Variants in ERO1A observed in about 807,000 individuals in gnomAD.
ERO1A encodes endoplasmic reticulum oxidoreductase 1 alpha.
In ERO1A, 49 loss-of-function variants were observed where a neutral mutation model predicts 76.9. The ratio of observed to expected loss-of-function variants is 0.64; its 90% CI spans 0.51 to 0.81. The LOEUF (loss-of-function observed/expected upper bound fraction) is 0.81, where lower values mean the gene tolerates loss of function less well. ERO1A is among the 30% of genes least tolerant of loss of function. The pLI, the probability that ERO1A is intolerant of heterozygous loss-of-function variation, is 0.00. For missense variants in ERO1A, 448 were observed against 542.1 expected (o/e 0.83, Z 1.72); for synonymous variants, 174 against 181.2 (o/e 0.96, Z 0.32).
chr14:52,666,208 A>G (rs982622475), intron 7 of ERO1A, among the ~76,000 whole-genome samples, 167 bp downstream of exon 7: 8 of 152,216 alleles, frequency 5.3e-5, no homozygotes, highest in Non-Finnish European at 1.0e-4. Flanking sequence ...TCACGTCTAT[A>G]TATTTCCCCA....
rs2040311517 is a variant in ERO1A, at chr14:52,663,797, T to C, written c.676+4A>G. 6.4e-7 allele frequency: 1 copy of C among 1,553,562 alleles called. No homozygotes were observed. Among genetic ancestry groups the C allele is most frequent in the African/African-American group, 1.4e-5 (1 of 73,962 alleles). On this transcript the variant is annotated splice_donor_region_variant and intron_variant, in intron 8 of 15. Coordinates refer to ENST00000395686, the MANE Select transcript of ERO1A (RefSeq NM_014584.3). ...TAATATAACAACGCAAATAAGTAATTTACCTTGACCAGAAGCCAAAGGATT... is the reference window on the plus strand; with the variant it reads ...TAATATAACAACGCAAATAAGTAATCTACCTTGACCAGAAGCCAAAGGATT...
intron 11 of ERO1A, among the ~76,000 whole-genome samples, chr14:52,656,064 C>T (rs926774491): frequency 6.6e-6 from 1 of 152,138 alleles, no homozygotes; most frequent in African/African-American, 2.4e-5. Context: ...ATAGTCACTA[C>T]GCTGTACAAA....
intron 13 of ERO1A, chr14:52,646,787 G>C (rs1406492862): frequency 4.9e-6 from 1 of 205,172 alleles, no homozygotes; most frequent in Non-Finnish European, 9.7e-6. Context: ...TGACTCCAAA[G>C]CTAAACTATC....
rs532157107 is a variant in ERO1A at position 52,692,816 on chromosome 14, T to C, written c.114+2552A>G. 2.0e-5 allele frequency among the ~76,000 whole-genome samples: 3 copies of C among 151,990 alleles called. No homozygotes were observed. The South Asian group carries it at 6.2e-4, about 31-fold the overall frequency. On this transcript the variant is annotated intron_variant, in intron 1 of 15. Transcript: ENST00000395686. Reference sequence around the variant, plus strand: ...TCCCCTTTTCTTTCTCCATTTTTTTTCTTTTCCCTCTCATGCTGTTTCTCT... The same window carrying C: ...TCCCCTTTTCTTTCTCCATTTTTTTCCTTTTCCCTCTCATGCTGTTTCTCT...
intron 1 of ERO1A, among the ~76,000 whole-genome samples, chr14:52,692,666 C>T (rs948208202): frequency 3.9e-5 from 6 of 152,182 alleles, no homozygotes; most frequent in African/African-American, 1.4e-4. Flanking sequence ...CCCCAATGAA[C>T]ATTATTCACT....
intron 13 of ERO1A, among the ~76,000 whole-genome samples, chr14:52,648,918 A>G (rs2039761308): frequency 6.6e-6 from 1 of 152,208 alleles, no homozygotes; most frequent in African/African-American, 2.4e-5. Context: ...TGAACTTAAT[A>G]TGCTAGGACC....
rs576028816 is a variant in ERO1A at position 52,641,041 on chromosome 14, G to C, written c.*2529C>G. On this transcript the variant is annotated 3_prime_UTR_variant, in exon 16 of 16. Transcript: ENST00000395686. ...ATAACATTTAAGGAATAAATGAAGAGGCCAAAAGGTGGGGGGTGGTTCAGG... is the reference window on the plus strand; with the variant it reads ...ATAACATTTAAGGAATAAATGAAGACGCCAAAAGGTGGGGGGTGGTTCAGG... 5 of 152,238 alleles carry C rather than the reference G, an allele frequency of 3.3e-5. No individual in the cohort carries two copies. The highest frequency in any genetic ancestry group is 1.2e-4 in the African/African-American group (5 of 41,544). The allele number at this position is 152,238 out of a possible 1,614,324, so 9.4% of individuals were successfully genotyped here.
chr14:52,681,296 G>A (rs7141613), intron 3 of ERO1A, among the ~76,000 whole-genome samples: 142,824 of 152,332 alleles, frequency 0.94, 66,998 homozygotes, highest in East Asian at 0.99. Flanking sequence ...GTTATTCAGC[G>A]TTAAAAAGGA....
intron 1 of ERO1A, among the ~76,000 whole-genome samples, chr14:52,689,241 A>G (rs927003575): frequency 6.6e-6 from 1 of 152,238 alleles, no homozygotes; most frequent in Admixed American, 6.5e-5. Flanking sequence ...GGCATGAGCC[A>G]CTGCGCCCGG....
chr14:52,664,013 T>C (rs1245474431), intron 7 of ERO1A, 166 bp from the exon 8 acceptor site: 12 of 478,256 alleles, frequency 2.5e-5, no homozygotes, highest in Non-Finnish European at 4.6e-5. Flanking sequence ...GGTGGCTATT[T>C]GTTGTAGTGA....
At position 52,640,327 on chromosome 14, in the gene ERO1A, G is replaced by A. The variant is rs1008968158; in HGVS notation, c.*3243C>T. 10 of 152,246 alleles carry A rather than the reference G, an allele frequency of 6.6e-5. No individual in the cohort carries two copies. Among genetic ancestry groups the A allele is most frequent in the African/African-American group, 2.4e-5 (1 of 41,466 alleles). 9.4% of individuals were successfully genotyped at this position (152,246 alleles called of 1,614,324 possible). ...GGAAATGCTTATGTCAGGCCTGCAA[G>A]ATGCATAGGAATTTTCCAAGTGGGG... On this transcript the variant is annotated 3_prime_UTR_variant, in exon 16 of 16. Transcript: ENST00000395686.
intron 1 of ERO1A, among the ~76,000 whole-genome samples, chr14:52,690,536 T>C (rs2041320575): frequency 6.6e-6 from 1 of 151,638 alleles, no homozygotes; most frequent in South Asian, 2.1e-4. Flanking sequence ...AGGTCAGGAG[T>C]TCAAAATCAG....
chr14:52,646,332 T>C (rs753464418), intron 14 of ERO1A, 43 bp downstream of exon 14: 3 of 1,603,016 alleles, frequency 1.9e-6, no homozygotes, highest in Admixed American at 1.7e-5. Flanking sequence ...AAATTATTCA[T>C]GCAAAGGGTA....
intron 7 of ERO1A, 56 bp from the exon 8 acceptor site, chr14:52,663,903 A>G (rs2040316130): frequency 2.9e-6 from 3 of 1,020,138 alleles, no homozygotes; most frequent in Non-Finnish European, 4.5e-6. Flanking sequence ...ATCATGTTAT[A>G]TTTAAGTGAT....
At position 52,671,891 on chromosome 14, in the gene ERO1A, A is replaced by G; in HGVS notation, c.358-20T>C. 1 of 1,445,878 alleles carries G rather than the reference A, an allele frequency of 6.9e-7. No individual in the cohort carries two copies. 89.6% of individuals were successfully genotyped at this position (1,445,878 alleles called of 1,614,324 possible). A position where few individuals can be genotyped will look rare whatever the true frequency, so the allele number is the denominator to read the frequency against. ...AGAATACTAAAATGAAAAAGGGAAT[A>G]AATAGATAATAACTTATTGCATTTT... On this transcript the variant is annotated intron_variant, in intron 4 of 15. Coordinates refer to ENST00000395686, the MANE Select transcript of ERO1A (RefSeq NM_014584.3).
chr14:52,655,777 A>G (rs1566636902), intron 11 of ERO1A, among the ~76,000 whole-genome samples: 1 of 149,808 alleles, frequency 6.7e-6, no homozygotes, highest in Non-Finnish European at 1.5e-5. Flanking sequence ...AGATTAAACC[A>G]TTTTCTGGGT....
chr14:52,684,015 C>T, intron 1 of ERO1A, 108 bp from the exon 2 acceptor site: 1 of 688,320 alleles, frequency 1.5e-6, no homozygotes, highest in South Asian at 2.5e-5. Context: ...CAGTCCTTAT[C>T]CTCCCTCCTC....
intron 1 of ERO1A, among the ~76,000 whole-genome samples, chr14:52,694,923 A>G (rs1013358707): frequency 6.6e-6 from 1 of 152,212 alleles, no homozygotes; most frequent in Admixed American, 6.5e-5. Context: ...GAAATCTGAG[A>G]TCAGCCCACA....
At chr14:52,645,176 CACT>C (rs1014527577) in intron 15 of ERO1A, among the ~76,000 whole-genome samples, 16 of 151,616 alleles carry the variant, frequency 1.1e-4, no homozygotes, top group African/African-American at 3.9e-4. Flanking sequence ...ATTTTTCTAC[CACT>C]ATCAGAAAAA....
Sources: allele counts gnomAD v4.1 joint callset (sites outside exome capture counted in the v4.1 genomes callset), GRCh38; gene constraint gnomAD v4.1.1; transcripts MANE v1.5; gene names NCBI Gene and HGNC (gene_info 2026-07-23, HGNC 2026-07-21).